ZBBX: variants seen among roughly 807,000 people sequenced by gnomAD.
The protein encoded by ZBBX is zinc finger B-box domain-containing protein 1.
In ZBBX, 101 loss-of-function variants were observed where a neutral mutation model predicts 108.5. The observed-to-expected ratio is 0.93, with a 90% CI of 0.79 to 1.10. The LOEUF (loss-of-function observed/expected upper bound fraction) is 1.10, where lower values mean the gene tolerates loss of function less well. ZBBX is among the 50% of genes least tolerant of loss of function. The probability of loss-of-function intolerance (pLI) is 0.00; values close to 1 mark genes in which losing one functional copy is unlikely to be tolerated. For synonymous variants in ZBBX, 356 were observed against 323.4 expected (o/e 1.10, Z -1.08); for missense variants, 1,009 against 941.4 (o/e 1.07, Z -0.94).
At chr3:167,329,590 C>G (rs976400392) in intron 10 of ZBBX, among the ~76,000 whole-genome samples, 1 of 152,048 alleles carries the variant, frequency 6.6e-6, no homozygotes, top group Non-Finnish European at 1.5e-5. Context: ...AAAGATAAAA[C>G]AAGAATTCCA....
At chr3:167,299,435 C>A (rs986585171) in intron 17 of ZBBX, among the ~76,000 whole-genome samples, 1 of 152,050 alleles carries the variant, frequency 6.6e-6, no homozygotes, top group African/African-American at 2.4e-5. Context: ...TTACAGAATT[C>A]TTTCCACTCT....
At chr3:167,254,887 T>TGTGTGAGAGAGAGAGAGAATGAGA (rs1307450012) in intron 20 of ZBBX, among the ~76,000 whole-genome samples, 1 of 141,272 alleles carries the variant, frequency 7.1e-6, no homozygotes, top group Non-Finnish European at 1.5e-5. Context: ...TGTGTGTGTG[T>TGTGTGAGAGAGAGAGAGAATGAGA]GAGAGAGAGA....
chr3:167,293,183 C>T (rs1193734222), intron 18 of ZBBX, among the ~76,000 whole-genome samples: 1 of 152,122 alleles, frequency 6.6e-6, no homozygotes, highest in Admixed American at 6.6e-5. Context: ...AGAGGGACGC[C>T]TCCCTAACCT....
At chr3:167,232,726 A>C in the ZBBX span, among the ~76,000 whole-genome samples, 2 of 151,860 alleles carry the variant, frequency 1.3e-5, no homozygotes, top group Non-Finnish European at 2.9e-5. Context: ...GAAATTAAGA[A>C]GTGTTTATGA....
chr3:167,364,117 T>C (rs1215129848), intron 6 of ZBBX, among the ~76,000 whole-genome samples: 1 of 151,698 alleles, frequency 6.6e-6, no homozygotes, highest in Non-Finnish European at 1.5e-5. Context: ...TTCTTTGTTG[T>C]GGGGATTGTC....
chr3:167,397,229 C>A (rs1314605416), intron 1 of ZBBX, among the ~76,000 whole-genome samples: 2 of 142,750 alleles, frequency 1.4e-5, no homozygotes, highest in Non-Finnish European at 3.0e-5. Flanking sequence ...ACTGCATTTT[C>A]TTTGCATTTT....
At chr3:167,199,184 G>A in the ZBBX span, among the ~76,000 whole-genome samples, 47 of 152,304 alleles carry the variant, frequency 3.1e-4, no homozygotes, top group Admixed American at 1.3e-3. Context: ...ACTCAATCCT[G>A]TTGGGGACAT....
At chr3:167,311,939 C>T (rs1479150430) in intron 16 of ZBBX, among the ~76,000 whole-genome samples, 2 of 152,032 alleles carry the variant, frequency 1.3e-5, no homozygotes, top group African/African-American at 4.8e-5. Context: ...TTGGTATTTA[C>T]CCAAATAAGT....
intron 1 of ZBBX, among the ~76,000 whole-genome samples, chr3:167,385,376 TAGGGC>T (rs1168078901): frequency 6.6e-6 from 1 of 152,012 alleles, no homozygotes; most frequent in East Asian, 1.9e-4. Context: ...AATACCTATA[TAGGGC>T]ACTTACCGTA....
intron 9 of ZBBX, among the ~76,000 whole-genome samples, chr3:167,337,107 G>C (rs1426742936): frequency 6.6e-6 from 1 of 152,134 alleles, no homozygotes; most frequent in African/African-American, 2.4e-5. Context: ...GAACTGCAGG[G>C]AAAAGGTGAG....
the ZBBX span, among the ~76,000 whole-genome samples, chr3:167,233,218 C>T: frequency 3.3e-5 from 5 of 151,948 alleles, no homozygotes; most frequent in Non-Finnish European, 7.4e-5. Context: ...TCACCATGGC[C>T]TGGCAACAAT....
intron 15 of ZBBX, among the ~76,000 whole-genome samples, chr3:167,315,166 C>T (rs996445022): frequency 3.3e-5 from 5 of 152,156 alleles, no homozygotes; most frequent in Admixed American, 2.0e-4. Context: ...GAAGTTTCAA[C>T]AGCAGAAAGT....
chr3:167,308,567 A>C (rs1734059438), intron 16 of ZBBX, among the ~76,000 whole-genome samples: 1 of 152,218 alleles, frequency 6.6e-6, no homozygotes, highest in Non-Finnish European at 1.5e-5. Flanking sequence ...CCAAATGCTC[A>C]TTAATGACAG....
At chr3:167,321,429 T>G (rs1039616766) in intron 12 of ZBBX, among the ~76,000 whole-genome samples, 1 of 152,008 alleles carries the variant, frequency 6.6e-6, no homozygotes, top group South Asian at 2.1e-4. Flanking sequence ...ACAGATGGAA[T>G]GGGCCACCTC....
chr3:167,284,370 G>C (rs35442813), intron 19 of ZBBX, among the ~76,000 whole-genome samples: 33,373 of 151,894 alleles, frequency 0.22, 4,462 homozygotes, highest in South Asian at 0.31. Context: ...AAGTCAGAGA[G>C]TGTAACAATA....
At chr3:167,208,036 T>C in the ZBBX span, among the ~76,000 whole-genome samples, 1 of 152,110 alleles carries the variant, frequency 6.6e-6, no homozygotes, top group African/African-American at 2.4e-5. Flanking sequence ...ATACTTAGCA[T>C]TGGAACTCAG....
chr3:167,193,060 G>GTATTTAT, the ZBBX span, among the ~76,000 whole-genome samples: 16 of 152,108 alleles, frequency 1.1e-4, no homozygotes, highest in African/African-American at 2.4e-4. Flanking sequence ...TTGCATTGAA[G>GTATTTAT]TATTTATTAT....
At chr3:167,200,777 A>G in the ZBBX span, among the ~76,000 whole-genome samples, 1 of 152,170 alleles carries the variant, frequency 6.6e-6, no homozygotes, top group Admixed American at 6.5e-5. Context: ...GACATCTCCC[A>G]AATAATTACT....
intron 3 of ZBBX, among the ~76,000 whole-genome samples, chr3:167,373,167 A>G (rs1657388263): frequency 6.6e-6 from 1 of 152,232 alleles, no homozygotes; most frequent in Admixed American, 6.5e-5. Flanking sequence ...AAAATACAAA[A>G]AAAGTACAAC....
Sources: allele counts gnomAD v4.1 joint callset (sites outside exome capture counted in the v4.1 genomes callset), GRCh38; gene constraint gnomAD v4.1.1; transcripts MANE v1.5; gene names NCBI Gene and HGNC (gene_info 2026-07-23, HGNC 2026-07-21).